Variants in ZNF652 observed in about 807,000 individuals in gnomAD.
ZNF652 encodes the protein zinc finger protein 652.
In ZNF652, 16 loss-of-function variants were observed where a neutral mutation model predicts 45.2. The ratio of observed to expected loss-of-function variants is 0.35; its 90% CI spans 0.24 to 0.54. The LOEUF (loss-of-function observed/expected upper bound fraction) is 0.54. ZNF652 is among the 20% of genes least tolerant of loss of function. ZNF652 has a pLI of 0.91. For missense variants in ZNF652, 614 were observed against 765.6 expected (o/e 0.80, Z 2.34); for synonymous variants, 250 against 260.6 (o/e 0.96, Z 0.39).
chr17:49,300,287 C>T (rs749046761), intron 5 of ZNF652, among the ~76,000 whole-genome samples: 1 of 152,110 alleles, frequency 6.6e-6, no homozygotes, highest in Non-Finnish European at 1.5e-5. Flanking sequence ...AAAAAAATGC[C>T]GCTATGCCAT....
intron 1 of ZNF652, among the ~76,000 whole-genome samples, chr17:49,345,954 C>G (rs190020017): frequency 6.6e-6 from 1 of 151,720 alleles, no homozygotes; most frequent in Non-Finnish European, 1.5e-5. Flanking sequence ...GCATAAGAAA[C>G]ACTTAAAATC....
intron 1 of ZNF652, among the ~76,000 whole-genome samples, chr17:49,341,911 C>T (rs1399604131): frequency 6.6e-6 from 1 of 152,002 alleles, no homozygotes; most frequent in Non-Finnish European, 1.5e-5. Flanking sequence ...TCTGGCCAGG[C>T]GTGGTAGCTC....
At chr17:49,310,248 C>T (rs1389026455) in intron 5 of ZNF652, among the ~76,000 whole-genome samples, 3 of 152,158 alleles carry the variant, frequency 2.0e-5, no homozygotes, top group Non-Finnish European at 4.4e-5. Flanking sequence ...CCACCGCGCC[C>T]GGCCCTCTGT....
At position 49,297,085 on chromosome 17, in the gene ZNF652, C is replaced by T. The variant is rs1470815957; in HGVS notation, c.*1328G>A. The T allele has an allele frequency of 6.6e-6, 1 of 152,122 alleles. No individual in the cohort carries two copies. The highest frequency in any genetic ancestry group is 2.4e-5 in the African/African-American group (1 of 41,420). The allele number at this position is 152,122 out of a possible 1,614,324, so 9.4% of individuals were successfully genotyped here. A position where few individuals can be genotyped will look rare whatever the true frequency, so the allele number is the denominator to read the frequency against. ...CTATATTTAAACTGTGTTAAAATAG[C>T]TCAAGGTTGTGAACATATCCACATT... On this transcript the variant is annotated 3_prime_UTR_variant, in exon 6 of 6. Transcript: ENST00000430262.
chr17:49,354,469 T>G (rs1365034699), intron 1 of ZNF652, among the ~76,000 whole-genome samples: 1 of 151,794 alleles, frequency 6.6e-6, no homozygotes, highest in Non-Finnish European at 1.5e-5. Flanking sequence ...ATAACTTATT[T>G]TTAAAAAGAT....
chr17:49,328,495 T>C (rs191732071), intron 1 of ZNF652, among the ~76,000 whole-genome samples: 1 of 152,260 alleles, frequency 6.6e-6, no homozygotes, highest in East Asian at 1.9e-4. Flanking sequence ...GGGAGGTGTT[T>C]GGGTCATGGG....
At chr17:49,357,715 T>C (rs965527539) in intron 1 of ZNF652, among the ~76,000 whole-genome samples, 22 of 152,298 alleles carry the variant, frequency 1.4e-4, no homozygotes, top group Admixed American at 5.2e-4. Flanking sequence ...ACAGAACCCA[T>C]TGAGATACGT....
chr17:49,326,616 A>G (rs561397885), intron 1 of ZNF652, among the ~76,000 whole-genome samples: 1 of 152,366 alleles, frequency 6.6e-6, no homozygotes, highest in East Asian at 1.9e-4. Context: ...GGCAAAATCA[A>G]GGCCTGTCCA....
rs1319154015 is a variant in ZNF652, at chr17:49,290,263, T to G, written c.*8150A>C. ...GTAATATTTACTGTCGTCTTTTCCC[T>G]TCCCAGGTTGATTACTGACCTGTTT... is the stretch of plus-strand genomic sequence containing the variant. On this transcript the variant is annotated 3_prime_UTR_variant, in exon 6 of 6. Transcript: ENST00000430262. 2 of 152,212 alleles carry G rather than the reference T, an allele frequency of 1.3e-5. No homozygotes were observed. Among genetic ancestry groups the G allele is most frequent in the Non-Finnish European group, 2.9e-5 (2 of 68,048 alleles). 9.4% of individuals were successfully genotyped at this position (152,212 alleles called of 1,614,324 possible).
intron 1 of ZNF652, among the ~76,000 whole-genome samples, chr17:49,348,468 A>G (rs1013944550): frequency 3.4e-5 from 5 of 146,858 alleles, no homozygotes; most frequent in Admixed American, 2.1e-4. Flanking sequence ...ACAGAGCAAG[A>G]CCTTGCCTCA....
chr17:49,321,108 G>T (rs536768173), intron 1 of ZNF652, among the ~76,000 whole-genome samples: 2 of 152,194 alleles, frequency 1.3e-5, no homozygotes, highest in Non-Finnish European at 2.9e-5. Flanking sequence ...TATGAGAAGT[G>T]ACAGAGAGAG....
chr17:49,354,013 CA>C (rs1346903099), intron 1 of ZNF652, among the ~76,000 whole-genome samples: 1 of 152,152 alleles, frequency 6.6e-6, no homozygotes, highest in African/African-American at 2.4e-5. Context: ...GAAGGCAGAA[CA>C]AACTACCTTT....
chr17:49,357,650 C>T (rs1322118379), intron 1 of ZNF652, among the ~76,000 whole-genome samples: 1 of 152,228 alleles, frequency 6.6e-6, no homozygotes, highest in Non-Finnish European at 1.5e-5. Flanking sequence ...CACTTTATGG[C>T]TTGCATTAAC....
intron 1 of ZNF652, among the ~76,000 whole-genome samples, chr17:49,335,487 C>A (rs572051707): frequency 2.6e-5 from 4 of 152,250 alleles, no homozygotes; most frequent in African/African-American, 9.6e-5. Flanking sequence ...TATTGCCACA[C>A]AGGTAACTCC....
intron 1 of ZNF652, among the ~76,000 whole-genome samples, chr17:49,341,244 G>GAAAAA (rs1292415535): frequency 6.6e-6 from 1 of 151,114 alleles, no homozygotes; most frequent in Non-Finnish European, 1.5e-5. Flanking sequence ...GAAAAGAAAA[G>GAAAAA]AAAAACTATG....
At chr17:49,339,812 G>A (rs1306583755) in intron 1 of ZNF652, among the ~76,000 whole-genome samples, 2 of 152,186 alleles carry the variant, frequency 1.3e-5, no homozygotes, top group South Asian at 2.1e-4. Context: ...CCAAACGATC[G>A]CGAAGGCCGA....
rs1012645476 is a variant in ZNF652, at chr17:49,362,165, G to C, written c.-515C>G. ...GCGCGCGAGGGCGAGCGGGGCCGGCGGGGCGGGCAGCGCGGGGCGGGCGGC... is the reference window on the plus strand; with the variant it reads ...GCGCGCGAGGGCGAGCGGGGCCGGCCGGGCGGGCAGCGCGGGGCGGGCGGC... On this transcript the variant is annotated 5_prime_UTR_variant, in exon 1 of 6. Coordinates refer to ENST00000430262, the MANE Select transcript of ZNF652 (RefSeq NM_001145365.3). The C allele has an allele frequency of 1.3e-5, 2 of 150,236 alleles. No homozygotes were observed. Among genetic ancestry groups the C allele is most frequent in the African/African-American group, 4.9e-5 (2 of 40,816 alleles). 9.3% of individuals were successfully genotyped at this position (150,236 alleles called of 1,614,324 possible). A position where few individuals can be genotyped will look rare whatever the true frequency, so the allele number is the denominator to read the frequency against.
Position 49,316,916 on chromosome 17 carries a change from G to A in ZNF652, c.810C>T (p.Arg270=), listed in dbSNP as rs1223660583. 7 of 1,613,978 alleles carry A rather than the reference G, an allele frequency of 4.3e-6. No homozygotes were observed. Among genetic ancestry groups the A allele is most frequent in the Non-Finnish European group, 5.1e-6 (6 of 1,180,026 alleles). Residue 270 remains arginine (R), a synonymous_variant, in exon 2 of 6, where the codon CGC becomes CGT. Transcript: ENST00000430262. The part of the protein sequence containing the change: ...LEKHMNVTHR[R]MQICDKCGKK... ...TGCCACATTTATCACAAATCTGCAT[G>A]CGCCTATGAGTAACGTTCATGTGCT...
intron 5 of ZNF652, among the ~76,000 whole-genome samples, chr17:49,299,261 A>G (rs1422181058): frequency 2.0e-5 from 3 of 152,248 alleles, no homozygotes; most frequent in Non-Finnish European, 4.4e-5. Context: ...AGGCATCTAC[A>G]TTAGTGATCC....
Sources: gnomAD v4.1 joint callset for allele counts (sites outside exome capture counted in the v4.1 genomes callset) on GRCh38, gnomAD v4.1.1 for gene constraint, MANE v1.5 for transcripts, NCBI Gene and HGNC (gene_info 2026-07-23, HGNC 2026-07-21) for gene names.